The following MAP3K7CL variants were observed in gnomAD, a reference collection of about 807,000 sequenced individuals.
MAP3K7CL encodes the protein MAP3K7 C-terminal like.
A neutral mutation model predicts 18.6 loss-of-function variants in MAP3K7CL; 16 were observed. The ratio of observed to expected loss-of-function variants is 0.86; its 90% CI spans 0.58 to 1.31. The LOEUF is 1.31. Ranked by LOEUF, MAP3K7CL falls within the 50% of genes most tolerant of loss-of-function variation. The pLI is 0.00. For missense variants in MAP3K7CL, 163 were observed against 174.4 expected (o/e 0.93, Z 0.37); for synonymous variants, 65 against 66.8 (o/e 0.97, Z 0.13).
chr21:29,109,867 T>C, intron 4 of MAP3K7CL: 2 of 844,264 alleles, frequency 2.4e-6, no homozygotes, highest in Non-Finnish European at 2.9e-6. Flanking sequence ...GGTCAAAGGG[T>C]ATGTTGAATT....
At chr21:29,096,408 T>C (rs560522027) in intron 4 of MAP3K7CL, among the ~76,000 whole-genome samples, 2 of 152,112 alleles carry the variant, frequency 1.3e-5, no homozygotes, top group East Asian at 1.9e-4. Context: ...TAGGGTGAGG[T>C]TGATGATAGG....
chr21:29,158,016 T>C (rs578252357), intron 3 of MAP3K7CL, among the ~76,000 whole-genome samples: 1 of 152,350 alleles, frequency 6.6e-6, no homozygotes, highest in Non-Finnish European at 1.5e-5. Flanking sequence ...TACTGAGCTC[T>C]TGTTTCAACT....
chr21:29,150,916 T>C (rs2087256648), intron 3 of MAP3K7CL, among the ~76,000 whole-genome samples: 2 of 151,774 alleles, frequency 1.3e-5, no homozygotes, highest in Admixed American at 1.3e-4. Flanking sequence ...ATTACAGGCA[T>C]GTGCCACCAC....
upstream of MAP3K7CL, among the ~76,000 whole-genome samples, chr21:29,084,044 AATATT>A (rs1435182906): frequency 4.1e-5 from 6 of 148,056 alleles, no homozygotes; most frequent in Admixed American, 2.0e-4. Flanking sequence ...AATTATATAT[AATATT>A]ATATGTATAT....
intron 4 of MAP3K7CL, among the ~76,000 whole-genome samples, chr21:29,114,105 G>A (rs1387724149): frequency 6.6e-6 from 1 of 151,726 alleles, no homozygotes; most frequent in Non-Finnish European, 1.5e-5. Context: ...GTCTTGCTCT[G>A]TCACCCAGGC....
At chr21:29,157,395 T>G (rs777557375) in intron 3 of MAP3K7CL, among the ~76,000 whole-genome samples, 3 of 152,234 alleles carry the variant, frequency 2.0e-5, no homozygotes, top group Non-Finnish European at 2.9e-5. Context: ...TTTAATGTTT[T>G]CATACAAACT....
At chr21:29,077,272 C>T (rs1165135678), upstream of MAP3K7CL, among the ~76,000 whole-genome samples, 2 of 152,224 alleles carry the variant, frequency 1.3e-5, no homozygotes, top group African/African-American at 4.8e-5. Context: ...GAGGCTCGGG[C>T]ATGGCGGGCT....
chr21:29,161,063 C>A (rs1444593637), intron 4 of MAP3K7CL, among the ~76,000 whole-genome samples: 2 of 152,210 alleles, frequency 1.3e-5, no homozygotes, highest in African/African-American at 4.8e-5. Context: ...ATAATCCCAG[C>A]ACTTTAGGAG....
chr21:29,086,810 T>C (rs2085932605), intron 1 of MAP3K7CL, among the ~76,000 whole-genome samples: 1 of 152,214 alleles, frequency 6.6e-6, no homozygotes, highest in African/African-American at 2.4e-5. Context: ...CTTCACATAT[T>C]GTATGTTAGG....
chr21:29,133,794 C>T (rs115667919), intron 2 of MAP3K7CL, among the ~76,000 whole-genome samples: 1,656 of 152,278 alleles, frequency 0.011, 42 homozygotes, highest in African/African-American at 0.038. Flanking sequence ...ATCACTGTTC[C>T]GTTTACAGCA....
intron 4 of MAP3K7CL, among the ~76,000 whole-genome samples, chr21:29,164,637 G>C (rs1006209881): frequency 3.3e-5 from 5 of 152,212 alleles, no homozygotes; most frequent in Admixed American, 6.5e-5. Context: ...GATGGAGAAA[G>C]AGAGTCAAAC....
intron 4 of MAP3K7CL, among the ~76,000 whole-genome samples, chr21:29,111,296 A>C (rs1342153895): frequency 6.6e-6 from 1 of 151,844 alleles, no homozygotes; most frequent in Non-Finnish European, 1.5e-5. Flanking sequence ...ACAACAACAA[A>C]AAACGTTCCT....
intron 4 of MAP3K7CL, among the ~76,000 whole-genome samples, chr21:29,124,604 G>A (rs1286042994): frequency 1.3e-5 from 2 of 152,184 alleles, no homozygotes; most frequent in Non-Finnish European, 1.5e-5. Context: ...TACAAATCAA[G>A]GGTCCAAAAA....
At position 29,175,018 on chromosome 21, in the gene MAP3K7CL, T is replaced by C; in HGVS notation, c.*126T>C. 2.2e-6 allele frequency: 2 copies of C among 897,344 alleles called. No individual in the cohort carries two copies. The highest frequency in any genetic ancestry group is 3.2e-6 in the Non-Finnish European group (2 of 621,904). 55.6% of individuals were successfully genotyped at this position (897,344 alleles called of 1,614,324 possible). A position where few individuals can be genotyped will look rare whatever the true frequency, so the allele number is the denominator to read the frequency against. ...CTGTATTACCCACATGACAACTGTC[T>C]ATAATGAGTTTACTGCTTGCCAGCT... On this transcript the variant is annotated 3_prime_UTR_variant, in exon 5 of 5. Transcript: ENST00000399928.
intron 4 of MAP3K7CL, chr21:29,109,589 A>G: frequency 5.9e-6 from 6 of 1,010,978 alleles, no homozygotes; most frequent in Non-Finnish European, 7.1e-6. Flanking sequence ...TGCACATTTA[A>G]TGTAAATAGC....
chr21:29,090,670 C>T (rs757910525), intron 1 of MAP3K7CL, among the ~76,000 whole-genome samples: 8 of 152,108 alleles, frequency 5.3e-5, no homozygotes, highest in South Asian at 2.1e-4. Context: ...TGAGCCACCG[C>T]GCCCGGCAGC....
At chr21:29,162,479 C>T (rs191615422) in intron 4 of MAP3K7CL, among the ~76,000 whole-genome samples, 62 of 148,514 alleles carry the variant, frequency 4.2e-4, no homozygotes, top group East Asian at 8.2e-4. Flanking sequence ...GTCAGGAGTT[C>T]GAGACCAGCC....
At chr21:29,156,596 G>A (rs1353264769) in intron 3 of MAP3K7CL, among the ~76,000 whole-genome samples, 1 of 152,142 alleles carries the variant, frequency 6.6e-6, no homozygotes, top group Non-Finnish European at 1.5e-5. Flanking sequence ...AAAAGGTAAG[G>A]TAAGAGAGGA....
At chr21:29,119,642 T>C (rs969737317) in intron 4 of MAP3K7CL, among the ~76,000 whole-genome samples, 1 of 151,166 alleles carries the variant, frequency 6.6e-6, no homozygotes, top group Non-Finnish European at 1.5e-5. Flanking sequence ...AGAATTTTGT[T>C]GAAGACCTTA....
Sources: gnomAD v4.1 joint callset for allele counts (sites outside exome capture counted in the v4.1 genomes callset) on GRCh38, gnomAD v4.1.1 for gene constraint, MANE v1.5 for transcripts, NCBI Gene and HGNC (gene_info 2026-07-23, HGNC 2026-07-21) for gene names.